VPS41: variants seen among roughly 807,000 people sequenced by gnomAD.
The protein encoded by VPS41 is vacuolar protein sorting-associated protein 41 homolog.
In VPS41, 85 loss-of-function variants were observed where a neutral mutation model predicts 130.9. The ratio of observed to expected loss-of-function variants is 0.65; its 90% confidence interval spans 0.55 to 0.78. The LOEUF (loss-of-function observed/expected upper bound fraction) is 0.78. Ranked by LOEUF, VPS41 falls within the 30% of genes least tolerant of loss-of-function variation. The pLI, the probability that VPS41 is intolerant of heterozygous loss-of-function variation, is 0.00. For synonymous variants in VPS41, 335 were observed against 332.9 expected, an observed-to-expected ratio of 1.01 and a Z score of -0.07; for missense variants, 874 against 1,018.7, an observed-to-expected ratio of 0.86 and a Z score of 1.93.
At chr7:38,873,538 T>C (rs1259589928) in intron 2 of VPS41, among the ~76,000 whole-genome samples, 2 of 152,190 alleles carry the variant, frequency 1.3e-5, no homozygotes, top group African/African-American at 4.8e-5. Flanking sequence ...TTTGTTAAAT[T>C]TTAATAATCC....
Position 38,796,856 on chromosome 7 carries a change from C to G in VPS41, c.459G>C (p.Leu153=), listed in dbSNP as rs771461728. Residue 153 remains leucine, a synonymous_variant, in exon 8 of 29, where the codon CTG becomes CTC. Coordinates refer to ENST00000310301, the MANE Select transcript of VPS41 (RefSeq NM_014396.4). The stretch of plus-strand genomic sequence containing the variant: ...ATCTGTTCATCCAAGACCGTTCAAA[C>G]AGTAGCAGCTAGGGACAAAAAGCAT... ...QFVTGGKKLL[L]FERSWMNRWK... 4 of 1,613,758 alleles carry G rather than the reference C, an allele frequency of 2.5e-6. No individual in the cohort carries two copies. The highest frequency in any genetic ancestry group is 3.3e-5 in the Admixed American group (2 of 59,996).
chr7:38,871,978 A>C (rs749113014), intron 2 of VPS41, among the ~76,000 whole-genome samples: 15 of 152,338 alleles, frequency 9.8e-5, no homozygotes, highest in Non-Finnish European at 2.2e-4. Flanking sequence ...GTACTGATTT[A>C]AAACAACAAT....
At chr7:38,835,699 T>C (rs990956246) in intron 4 of VPS41, among the ~76,000 whole-genome samples, 6 of 151,848 alleles carry the variant, frequency 4.0e-5, no homozygotes, top group Non-Finnish European at 7.4e-5. Context: ...TTATTTAATT[T>C]CTCTATATAT....
chr7:38,773,752 G>A (rs545952589), intron 12 of VPS41, among the ~76,000 whole-genome samples: 2 of 152,256 alleles, frequency 1.3e-5, no homozygotes, highest in East Asian at 1.9e-4. Context: ...ACCCCAGAGC[G>A]AACTTTCCTG....
intron 2 of VPS41, among the ~76,000 whole-genome samples, chr7:38,882,512 A>G (rs1786635062): frequency 6.6e-6 from 1 of 152,172 alleles, no homozygotes; most frequent in African/African-American, 2.4e-5. Context: ...TCTTACCTCC[A>G]GTCCAGACTT....
chr7:38,767,730 C>T (rs909860868), intron 14 of VPS41, 132 bp from the exon 15 acceptor site: 12 of 468,322 alleles, frequency 2.6e-5, no homozygotes, highest in African/African-American at 1.4e-4. Context: ...ATACTCTTAG[C>T]TTGCTTTATG....
At chr7:38,852,360 G>T (rs1005885160) in intron 4 of VPS41, among the ~76,000 whole-genome samples, 2 of 152,056 alleles carry the variant, frequency 1.3e-5, no homozygotes, top group African/African-American at 4.8e-5. Flanking sequence ...CCCCAGCTCC[G>T]GGAGACACTG....
At chr7:38,796,420 G>C (rs533085366) in intron 8 of VPS41, 1 of 477,118 alleles carries the variant, frequency 2.1e-6, no homozygotes, top group South Asian at 1.6e-5. Context: ...CTTGCCTTTG[G>C]CCAACAGGCA....
chr7:38,873,443 AT>A (rs1786417250), intron 2 of VPS41, among the ~76,000 whole-genome samples: 1 of 141,560 alleles, frequency 7.1e-6, no homozygotes, highest in Non-Finnish European at 1.5e-5. Context: ...AACTAAAAAA[AT>A]AATAATAATA....
At chr7:38,730,992 G>A (rs577256513) in intron 25 of VPS41, among the ~76,000 whole-genome samples, 16 of 152,290 alleles carry the variant, frequency 1.1e-4, no homozygotes, top group Admixed American at 9.2e-4. Flanking sequence ...CTGTCCGCCT[G>A]CAGATAGCAT....
chr7:38,728,798 C>A lies in VPS41; in HGVS notation c.2260-7G>T. On this transcript the variant is annotated splice_polypyrimidine_tract_variant and splice_region_variant and intron_variant, in intron 25 of 28. Transcript: ENST00000310301. ...AGCCTTCACGAAGCAGAATCTAATGCATACATTTTAAAAGAAAAGCCATCT... is the reference window on the plus strand; with the variant it reads ...AGCCTTCACGAAGCAGAATCTAATGAATACATTTTAAAAGAAAAGCCATCT... 1.2e-6 allele frequency: 2 copies of A among 1,613,326 alleles called. No individual in the cohort carries two copies. Among genetic ancestry groups the A allele is most frequent in the Non-Finnish European group, 1.7e-6 (2 of 1,179,354 alleles).
chr7:38,883,675 A>AG (rs1786661267), intron 2 of VPS41, among the ~76,000 whole-genome samples: 1 of 108,668 alleles, frequency 9.2e-6, no homozygotes, highest in Non-Finnish European at 2.0e-5. Context: ...TGATCAACCA[A>AG]TCTTGGACTG....
intron 23 of VPS41, among the ~76,000 whole-genome samples, chr7:38,744,575 T>G (rs1795949282): frequency 6.6e-6 from 1 of 152,250 alleles, no homozygotes; most frequent in Non-Finnish European, 1.5e-5. Context: ...AGTCCTCTAC[T>G]GCTTCTAAGA....
Position 38,830,392 on chromosome 7 carries a change from C to A in VPS41, c.247-64G>T, listed in dbSNP as rs1393870093. 3 of 961,148 alleles carry A rather than the reference C, an allele frequency of 3.1e-6. No homozygotes were observed. The Admixed American group carries it at 5.1e-5, about 16-fold the overall frequency. The allele number at this position is 961,148 out of a possible 1,614,324, so 59.5% of individuals were successfully genotyped here. A position where few individuals can be genotyped will look rare whatever the true frequency, so the allele number is the denominator to read the frequency against. ...GAAAATATATATCAACAATCAATGT[C>A]TTTGCTCTTTGTAAAATAGTAAGCT... is the stretch of plus-strand genomic sequence containing the variant. On this transcript the variant is annotated intron_variant, in intron 4 of 28. Coordinates refer to ENST00000310301, the MANE Select transcript of VPS41 (RefSeq NM_014396.4).
intron 2 of VPS41, among the ~76,000 whole-genome samples, chr7:38,879,219 G>A (rs1363122667): frequency 6.6e-6 from 1 of 152,154 alleles, no homozygotes; most frequent in Non-Finnish European, 1.5e-5. Flanking sequence ...TGAGGGTCAA[G>A]GAAAGCTGGT....
intron 27 of VPS41, chr7:38,728,290 C>A: frequency 3.1e-6 from 2 of 646,456 alleles, no homozygotes. Flanking sequence ...GGGAGTCTGA[C>A]TGGGTCAGCG....
intron 4 of VPS41, among the ~76,000 whole-genome samples, chr7:38,852,800 C>T (rs796194292): frequency 4.6e-5 from 7 of 152,242 alleles, no homozygotes; most frequent in African/African-American, 1.7e-4. Context: ...TATTGTTAAA[C>T]CATATGCACA....
Position 38,767,570 on chromosome 7 carries a change from A to C in VPS41, c.1214T>G (p.Leu405Arg), listed in dbSNP as rs1784072806. The change falls in exon 15 of 29, where the codon CTG becomes CGG. Residue 405 changes from leucine to arginine, a missense_variant. Transcript: ENST00000310301. Reference protein sequence around the residue: ...LDIGLAYINHLVERGDYDIAA... With the variant: ...LDIGLAYINHRVERGDYDIAA... ...TATGTCATAGTCTCCTCTCTCCACC[A>C]GGTGATTTATATATGCCAAGCCAAT... 1 of 1,610,470 alleles carries C rather than the reference A, an allele frequency of 6.2e-7. No individual in the cohort carries two copies. The highest frequency in any genetic ancestry group is 8.5e-7 in the Non-Finnish European group (1 of 1,177,846).
chr7:38,743,401 C>T lies in VPS41; in HGVS notation c.2122+1G>A, dbSNP rs766734871. 1.1e-5 allele frequency: 17 copies of T among 1,613,710 alleles called. No homozygotes were observed. Among genetic ancestry groups the T allele is most frequent in the Admixed American group, 1.7e-5 (1 of 60,008 alleles). On this transcript the variant is annotated splice_donor_variant, in intron 24 of 28. Transcript: ENST00000310301. LOFTEE classifies it high-confidence loss of function. Reference sequence around the variant, plus strand: ...TAACCAGAGATGGCTTTTATGCTTACGTGGTTTGTCAATGGAATATAAAAT... The same window carrying T: ...TAACCAGAGATGGCTTTTATGCTTATGTGGTTTGTCAATGGAATATAAAAT...
Sources: gnomAD v4.1 joint callset for allele counts (sites outside exome capture counted in the v4.1 genomes callset) on GRCh38, gnomAD v4.1.1 for gene constraint, MANE v1.5 for transcripts, NCBI Gene and HGNC (gene_info 2026-07-23, HGNC 2026-07-21) for gene names.